Variants in DIP2C observed in about 807,000 individuals in gnomAD.
DIP2C encodes disco-interacting protein 2 homolog C.
In DIP2C, 33 loss-of-function variants were observed where a neutral mutation model predicts 192.4. The observed-to-expected ratio is 0.17, with a 90% CI of 0.13 to 0.23. DIP2C has a LOEUF of 0.23. Among genes scored for constraint, DIP2C ranks in the 10% least tolerant of loss-of-function variants. The pLI is 1.00. For synonymous variants in DIP2C, 979 were observed against 864.1 expected, an observed-to-expected ratio of 1.13 and a Z score of -2.33; for missense variants, 1,537 against 2,110.1, an observed-to-expected ratio of 0.73 and a Z score of 5.32.
rs79567429 is a variant in DIP2C, at chr10:581,001, C to G, written c.86-94471G>C. On this transcript the variant is annotated intron_variant, in intron 1 of 36. Coordinates refer to ENST00000280886, the MANE Select transcript of DIP2C (RefSeq NM_014974.3). The stretch of plus-strand genomic sequence containing the variant: ...ATTTAATCGAGTTCTGACAATTTGA[C>G]TCACAGTATTCTGGCAGATTATTCA... 2.2e-3 allele frequency among the ~76,000 whole-genome samples: 336 copies of G among 152,336 alleles called. 4 individuals are homozygous for G. Among genetic ancestry groups the G allele is most frequent in the African/African-American group, 7.2e-3 (299 of 41,568 alleles).
At chr10:374,685 C>T (rs1204925832) in intron 17 of DIP2C, among the ~76,000 whole-genome samples, 2 of 152,150 alleles carry the variant, frequency 1.3e-5, no homozygotes, top group Non-Finnish European at 2.9e-5. Context: ...ATTTGTTGGT[C>T]CAATTTGTGT....
chr10:606,286 G>GA (rs1488646928), intron 1 of DIP2C, among the ~76,000 whole-genome samples: 3 of 152,068 alleles, frequency 2.0e-5, no homozygotes, highest in South Asian at 2.1e-4. Context: ...GTCCGAGGGG[G>GA]AAGACACCAG....
At chr10:294,417 G>C (rs928232198) in intron 32 of DIP2C, among the ~76,000 whole-genome samples, 1 of 152,012 alleles carries the variant, frequency 6.6e-6, no homozygotes, top group Non-Finnish European at 1.5e-5. Context: ...GACCAGCCTA[G>C]GCAATGTGGC....
At chr10:496,223 C>G (rs950868860) in intron 1 of DIP2C, among the ~76,000 whole-genome samples, 2 of 144,800 alleles carry the variant, frequency 1.4e-5, no homozygotes, top group East Asian at 4.4e-4. Context: ...ATACCCCAAA[C>G]AACGTGAGTG....
At chr10:544,059 T>C (rs1054883401) in intron 1 of DIP2C, among the ~76,000 whole-genome samples, 2 of 152,258 alleles carry the variant, frequency 1.3e-5, no homozygotes, top group Non-Finnish European at 2.9e-5. Context: ...TCAAGGTGAC[T>C]GGTATCGTAC....
chr10:571,743 C>T (rs1018322658), intron 1 of DIP2C, among the ~76,000 whole-genome samples: 6 of 152,192 alleles, frequency 3.9e-5, no homozygotes, highest in Non-Finnish European at 8.8e-5. Flanking sequence ...AGTGTCCTCA[C>T]GGCGCTGGTG....
chr10:418,970 A>AC, intron 6 of DIP2C, 95 bp downstream of exon 6: 1 of 1,558,244 alleles, frequency 6.4e-7, no homozygotes, highest in Middle Eastern at 2.2e-4. Context: ...AACCGATTGT[A>AC]CCCCAGGAAG....
At chr10:417,659 T>TC (rs1564684590) in intron 6 of DIP2C, among the ~76,000 whole-genome samples, 3 of 9,772 alleles carry the variant, frequency 3.1e-4, no homozygotes, top group Admixed American at 1.2e-3. Flanking sequence ...TGTCCACCTG[T>TC]TCCTGTCAGG....
At chr10:385,898 C>T (rs966808848) in intron 14 of DIP2C, among the ~76,000 whole-genome samples, 8 of 152,104 alleles carry the variant, frequency 5.3e-5, no homozygotes, top group Admixed American at 2.6e-4. Context: ...AGAGCTCTGC[C>T]GACTCCCCGC....
chr10:279,005 T>C (rs542871875), intron 36 of DIP2C, among the ~76,000 whole-genome samples: 1 of 152,292 alleles, frequency 6.6e-6, no homozygotes, highest in East Asian at 1.9e-4. Flanking sequence ...TCACTATTGT[T>C]CTAAGTGGGA....
At position 689,335 on chromosome 10, in the gene DIP2C, G is replaced by C. The variant is rs963645609; in HGVS notation, c.85+159C>G. Among the ~76,000 whole-genome samples, 1 of 151,436 alleles carries C rather than the reference G, an allele frequency of 6.6e-6. No homozygotes were observed. Among genetic ancestry groups the C allele is most frequent in the Non-Finnish European group, 1.5e-5 (1 of 67,776 alleles). On this transcript the variant is annotated intron_variant, in intron 1 of 36. Coordinates refer to ENST00000280886, the MANE Select transcript of DIP2C (RefSeq NM_014974.3). This position sits in a 1 kb window ranked among gnomAD's most constrained non-coding sequence, Gnocchi z 6.1. ...GCCTCACAAACGTCCCTAGGGCGCG[G>C]GGTCTGGGGGTCCGGGGGACGCGCA...
At chr10:663,020 A>G in intron 1 of DIP2C, 1 of 697,382 alleles carries the variant, frequency 1.4e-6, no homozygotes, top group Non-Finnish European at 2.7e-6. Flanking sequence ...TATGTCCAGG[A>G]AAGACTCTAA....
chr10:417,896 GCT>G (rs1965834574), intron 6 of DIP2C, among the ~76,000 whole-genome samples: 1 of 107,902 alleles, frequency 9.3e-6, no homozygotes, highest in African/African-American at 3.8e-5. Flanking sequence ...ACCTGTCAGG[GCT>G]CGGATAGGCC....
rs567783415 is a variant in DIP2C, at chr10:420,449, G to A, written c.605-1250C>T. Among the ~76,000 whole-genome samples, 4 of 152,334 alleles carry A rather than the reference G, an allele frequency of 2.6e-5. No individual in the cohort carries two copies. In the East Asian group the frequency reaches 7.7e-4, roughly 29 times the overall value. The stretch of plus-strand genomic sequence containing the variant: ...GGAGGGCCCGCCACACCGCCCGTCA[G>A]TGCCACGACATTCCACCTGGAGGCA... On this transcript the variant is annotated intron_variant, in intron 5 of 36. Transcript: ENST00000280886.
chr10:552,848 C>CA (rs551865513), intron 1 of DIP2C, among the ~76,000 whole-genome samples: 8 of 152,038 alleles, frequency 5.3e-5, no homozygotes, highest in Admixed American at 2.0e-4. Flanking sequence ...GACTCCATCT[C>CA]AAAAAAAAGT....
intron 1 of DIP2C, among the ~76,000 whole-genome samples, chr10:641,464 C>G (rs928305270): frequency 2.6e-5 from 4 of 152,192 alleles, no homozygotes; most frequent in Non-Finnish European, 5.9e-5. Flanking sequence ...CACCTTAAAG[C>G]TGATGTTCCC....
chr10:523,109 G>A (rs1588381710), intron 1 of DIP2C, among the ~76,000 whole-genome samples: 1 of 151,976 alleles, frequency 6.6e-6, no homozygotes, highest in Admixed American at 6.5e-5. Context: ...GAGTGAGGAT[G>A]CAGGGACTCT....
At position 306,676 on chromosome 10, in the gene DIP2C, G is replaced by T. The variant is rs530038283; in HGVS notation, c.3986+3355C>A. Among the ~76,000 whole-genome samples the T allele has an allele frequency of 2.6e-4, 39 of 152,326 alleles. 1 individual carries two copies. The highest frequency in any genetic ancestry group is 8.7e-4 in the African/African-American group (36 of 41,580). ...GCTCTCATTTCACTGCCTCCCGACTGCTGGCCTTGGACTGTCGACTTTCTC... is the reference window on the plus strand; with the variant it reads ...GCTCTCATTTCACTGCCTCCCGACTTCTGGCCTTGGACTGTCGACTTTCTC... On this transcript the variant is annotated intron_variant, in intron 32 of 36. Coordinates refer to ENST00000280886, the MANE Select transcript of DIP2C (RefSeq NM_014974.3).
rs191496984 is a variant in DIP2C at position 416,951 on chromosome 10, T to A, written c.740-1063A>T. On this transcript the variant is annotated intron_variant, in intron 6 of 36. Transcript: ENST00000280886. ...AACAGACTTCAACATTTGCGGGGAA[T>A]AGAACAGAATTCAAGGAAATTTTTT... 7.2e-5 allele frequency among the ~76,000 whole-genome samples: 11 copies of A among 152,318 alleles called. No individual in the cohort carries two copies. The South Asian group carries it at 2.3e-3, about 32-fold the overall frequency.
Sources: gnomAD v4.1 joint callset for allele counts (sites outside exome capture counted in the v4.1 genomes callset) on GRCh38, gnomAD v4.1.1 for gene constraint, Gnocchi (gnomAD v3.1) non-coding constraint, MANE v1.5 for transcripts, NCBI Gene and HGNC (gene_info 2026-07-23, HGNC 2026-07-21) for gene names.